UCHL5: variants seen among roughly 807,000 people sequenced by gnomAD.
The protein encoded by UCHL5 is ubiquitin C-terminal hydrolase L5, also known as ubiquitin carboxyl-terminal hydrolase isozyme L5.
Under a neutral mutation model 53.8 loss-of-function variants are expected in UCHL5, and 34 were observed. The observed-to-expected ratio is 0.63, with a 90% CI of 0.48 to 0.84. The LOEUF is 0.84. UCHL5 is among the 40% of genes least tolerant of loss of function. The pLI, the probability that UCHL5 is intolerant of heterozygous loss-of-function variation, is 0.00. For synonymous variants in UCHL5, 111 were observed against 126.3 expected (o/e 0.88, Z 0.81); for missense variants, 290 against 385.6 (o/e 0.75, Z 2.08).
At chr1:193,052,995 T>C (rs1174230388) in intron 1 of UCHL5, among the ~76,000 whole-genome samples, 1 of 152,142 alleles carries the variant, frequency 6.6e-6, no homozygotes, top group Non-Finnish European at 1.5e-5. Context: ...AAACTAACAA[T>C]GTGACTGGGC....
chr1:193,039,482 G>A (rs1213348741), intron 3 of UCHL5, among the ~76,000 whole-genome samples: 1 of 152,094 alleles, frequency 6.6e-6, no homozygotes, highest in Non-Finnish European at 1.5e-5. Context: ...ACAAGGACAA[G>A]TATAAAGCAC....
intron 3 of UCHL5, among the ~76,000 whole-genome samples, chr1:193,036,317 C>CAAAATA (rs1663404455): frequency 2.0e-5 from 1 of 50,796 alleles, no homozygotes; most frequent in East Asian, 6.6e-4. Context: ...AACTGGAAAC[C>CAAAATA]AAAAAAAAAA....
chr1:193,034,412 G>A (rs966604017), intron 3 of UCHL5, among the ~76,000 whole-genome samples: 3 of 151,678 alleles, frequency 2.0e-5, no homozygotes, highest in African/African-American at 7.3e-5. Context: ...AAAAAATAAA[G>A]AGCCACAATA....
rs930018141 is a variant in UCHL5, at chr1:193,016,251, G to A, written c.*100C>T. On this transcript the variant is annotated 3_prime_UTR_variant, in exon 11 of 11. Transcript: ENST00000367454. ...ACAGGCTGGCACTATTGCCAAACGT[G>A]CACTGAGCCAATTAGGATGTTGCTC... is the stretch of plus-strand genomic sequence containing the variant. The A allele has an allele frequency of 1.4e-5, 20 of 1,380,754 alleles. No homozygotes were observed. The highest frequency in any genetic ancestry group is 1.9e-5 in the Non-Finnish European group (19 of 1,001,894). The allele number at this position is 1,380,754 out of a possible 1,614,324, so 85.5% of individuals were successfully genotyped here. A position where few individuals can be genotyped will look rare whatever the true frequency, so the allele number is the denominator to read the frequency against.
chr1:193,034,018 C>T (rs1022517489), intron 3 of UCHL5, among the ~76,000 whole-genome samples: 1 of 151,988 alleles, frequency 6.6e-6, no homozygotes, highest in Non-Finnish European at 1.5e-5. Context: ...AAGTCACTGG[C>T]CTTGAGTAAT....
rs188809924 is a variant in UCHL5 at position 193,016,872 on chromosome 1, A to C, written c.943-477T>G. On this transcript the variant is annotated intron_variant, in intron 10 of 10. Transcript: ENST00000367454. ...TGTATCCTTGGTGTCAACAAACTTTATTTATATGACCTAAAAAAAAATGTT... is the reference window on the plus strand; with the variant it reads ...TGTATCCTTGGTGTCAACAAACTTTCTTTATATGACCTAAAAAAAAATGTT... 3.3e-3 allele frequency among the ~76,000 whole-genome samples: 495 copies of C among 151,886 alleles called. 3 individuals carry two copies. Among genetic ancestry groups the C allele is most frequent in the Non-Finnish European group, 5.0e-3 (342 of 67,750 alleles).
At chr1:193,044,568 T>C (rs1571829368) in intron 3 of UCHL5, among the ~76,000 whole-genome samples, 4 of 152,098 alleles carry the variant, frequency 2.6e-5, no homozygotes, top group Admixed American at 2.0e-4. Context: ...CGCAACCCCC[T>C]TGAATTAGAG....
chr1:193,041,482 G>T (rs949675679), intron 3 of UCHL5, among the ~76,000 whole-genome samples: 1 of 152,132 alleles, frequency 6.6e-6, no homozygotes, highest in African/African-American at 2.4e-5. Context: ...GCAATGCCAC[G>T]TGTTATAATA....
chr1:193,048,810 G>T (rs1458902563), intron 3 of UCHL5, among the ~76,000 whole-genome samples: 1 of 152,174 alleles, frequency 6.6e-6, no homozygotes, highest in African/African-American at 2.4e-5. Context: ...GGTAACTATA[G>T]TTATTTTTCA....
chr1:193,053,899 G>A (rs1377741053), intron 1 of UCHL5, among the ~76,000 whole-genome samples: 1 of 151,972 alleles, frequency 6.6e-6, no homozygotes, highest in African/African-American at 2.4e-5. Flanking sequence ...TCACAATCTG[G>A]TAGGAGACAA....
rs189208044 is a variant in UCHL5 at position 193,019,742 on chromosome 1, G to A, written c.942+1355C>T. On this transcript the variant is annotated intron_variant, in intron 10 of 10. Coordinates refer to ENST00000367454, the MANE Select transcript of UCHL5 (RefSeq NM_001199261.3). ...TCTCAAAAAAATCTGGGGATATAGT[G>A]TAATTAAAAATCAAACAACAGTGGT... 4 of 489,396 alleles carry A rather than the reference G, an allele frequency of 8.2e-6. No individual in the cohort carries two copies. In the Admixed American group the frequency reaches 2.6e-4, roughly 31 times the overall value. The allele number at this position is 489,396 out of a possible 1,614,324, so 30.3% of individuals were successfully genotyped here.
chr1:193,012,277 AATATT>A lies in UCHL5; in HGVS notation c.*4069_*4073del, dbSNP rs1483552976. The A allele has an allele frequency of 6.6e-6, 1 of 152,184 alleles. No individual in the cohort carries two copies. The highest frequency in any genetic ancestry group is 1.5e-5 in the Non-Finnish European group (1 of 68,030). The allele number at this position is 152,184 out of a possible 1,614,324, so 9.4% of individuals were successfully genotyped here. A position where few individuals can be genotyped will look rare whatever the true frequency, so the allele number is the denominator to read the frequency against. On this transcript the variant is annotated 3_prime_UTR_variant, in exon 11 of 11. Transcript: ENST00000367454. ...TCCCCACTGGTTTTATGGTTTATTC[AATATT>A]ATATTATCATTGCTACAAGAAAGAA... is the stretch of plus-strand genomic sequence containing the variant.
At chr1:193,058,286 C>A (rs1432839263) in intron 1 of UCHL5, among the ~76,000 whole-genome samples, 1 of 152,052 alleles carries the variant, frequency 6.6e-6, no homozygotes, top group Non-Finnish European at 1.5e-5. Flanking sequence ...AGAAGATGAA[C>A]AACATATGCT....
At chr1:193,052,936 T>C (rs1464039704) in intron 1 of UCHL5, among the ~76,000 whole-genome samples, 1 of 152,162 alleles carries the variant, frequency 6.6e-6, no homozygotes, top group Admixed American at 6.5e-5. Context: ...AGAGAAGCCT[T>C]TAGACTACTG....
chr1:193,018,659 A>G, intron 10 of UCHL5: 1 of 1,265,178 alleles, frequency 7.9e-7, no homozygotes, highest in East Asian at 3.1e-5. Flanking sequence ...TTTTAGGTCA[A>G]ATACTTTTAT....
chr1:193,048,243 T>A (rs2102806284), intron 3 of UCHL5, among the ~76,000 whole-genome samples: 1 of 152,334 alleles, frequency 6.6e-6, no homozygotes, highest in African/African-American at 2.4e-5. Flanking sequence ...TGTGGCTTTG[T>A]GAACAAACAC....
intron 3 of UCHL5, among the ~76,000 whole-genome samples, chr1:193,032,803 A>C (rs2102515341): frequency 6.6e-6 from 1 of 152,238 alleles, no homozygotes; most frequent in East Asian, 1.9e-4. Context: ...TCATTAGTGA[A>C]ATGCAAATCA....
chr1:193,044,410 A>G (rs1437308315), intron 3 of UCHL5, among the ~76,000 whole-genome samples: 1 of 152,184 alleles, frequency 6.6e-6, no homozygotes, highest in Non-Finnish European at 1.5e-5. Context: ...CTCTCTCATC[A>G]GTGAAATAAC....
intron 3 of UCHL5, among the ~76,000 whole-genome samples, chr1:193,029,935 G>T (rs1660751067): frequency 6.6e-6 from 1 of 152,070 alleles, no homozygotes; most frequent in South Asian, 2.1e-4. Flanking sequence ...TCATCCTGAT[G>T]GAAAACATAG....
Sources: gnomAD v4.1 joint callset for allele counts (sites outside exome capture counted in the v4.1 genomes callset) on GRCh38, gnomAD v4.1.1 for gene constraint, MANE v1.5 for transcripts, NCBI Gene and HGNC (gene_info 2026-07-23, HGNC 2026-07-21) for gene names.